Variants in FRAS1 observed in about 807,000 individuals in gnomAD.
FRAS1 encodes Fraser extracellular matrix complex subunit 1.
In FRAS1, 290 loss-of-function variants were observed where a neutral mutation model predicts 435.2. The observed-to-expected ratio is 0.67, with a 90% CI of 0.61 to 0.73. The LOEUF is 0.73. FRAS1 is among the 30% of genes least tolerant of loss of function. The probability of loss-of-function intolerance (pLI) is 0.00; values close to 1 mark genes in which losing one functional copy is unlikely to be tolerated. For missense variants in FRAS1, 4,860 were observed against 5,001.5 expected, an observed-to-expected ratio of 0.97 and a Z score of 0.85; for synonymous variants, 1,800 against 1,851.0, an observed-to-expected ratio of 0.97 and a Z score of 0.71.
chr4:78,227,356 A>G (rs1331004981), intron 2 of FRAS1, among the ~76,000 whole-genome samples: 1 of 152,226 alleles, frequency 6.6e-6, no homozygotes, highest in Non-Finnish European at 1.5e-5. Context: ...TATTCATTAA[A>G]TGCTAGAATC....
chr4:78,268,169 G>A (rs1472562700), intron 9 of FRAS1, among the ~76,000 whole-genome samples: 17 of 152,228 alleles, frequency 1.1e-4, no homozygotes, highest in Middle Eastern at 3.4e-3. Flanking sequence ...CCTGTGGGCC[G>A]TGAACTTGAG....
At chr4:78,115,987 A>G (rs938306776) in intron 2 of FRAS1, among the ~76,000 whole-genome samples, 1 of 152,144 alleles carries the variant, frequency 6.6e-6, no homozygotes, top group African/African-American at 2.4e-5. Flanking sequence ...ATTTCCGTCT[A>G]CACACTGCTT....
chr4:78,066,614 C>G (rs575823771), intron 2 of FRAS1, among the ~76,000 whole-genome samples: 8 of 152,196 alleles, frequency 5.3e-5, no homozygotes, highest in Admixed American at 5.2e-4. Flanking sequence ...TGGTGCATAA[C>G]AGTGTGTTAA....
intron 20 of FRAS1, among the ~76,000 whole-genome samples, chr4:78,357,055 G>A (rs1319739037): frequency 1.3e-5 from 2 of 151,956 alleles, no homozygotes; most frequent in Non-Finnish European, 2.9e-5. Context: ...GTTCCTTGAA[G>A]GCATCCTGTT....
intron 64 of FRAS1, among the ~76,000 whole-genome samples, chr4:78,511,839 T>C (rs1474857912): frequency 6.6e-6 from 1 of 152,210 alleles, no homozygotes; most frequent in Non-Finnish European, 1.5e-5. Context: ...GCCGGAACCC[T>C]ACTGTCCTAC....
At chr4:78,281,462 G>C (rs1246659947) in intron 11 of FRAS1, 29 bp downstream of exon 11, 3 of 1,460,988 alleles carry the variant, frequency 2.1e-6, no homozygotes, top group Non-Finnish European at 2.8e-6. Context: ...CTTGCACGTA[G>C]ATCATTATAA....
chr4:78,496,244 C>T (rs1720504129), intron 59 of FRAS1, among the ~76,000 whole-genome samples: 2 of 152,172 alleles, frequency 1.3e-5, no homozygotes, highest in Non-Finnish European at 1.5e-5. Flanking sequence ...TGGTCTCGGA[C>T]TTTCTGTACT....
intron 6 of FRAS1, among the ~76,000 whole-genome samples, chr4:78,261,669 T>G (rs1440106892): frequency 6.6e-6 from 1 of 151,660 alleles, no homozygotes; most frequent in Non-Finnish European, 1.5e-5. Flanking sequence ...AGAAAAAATC[T>G]GAACAAATAC....
intron 19 of FRAS1, among the ~76,000 whole-genome samples, chr4:78,334,045 T>C (rs1369032806): frequency 6.6e-6 from 1 of 152,222 alleles, no homozygotes; most frequent in Non-Finnish European, 1.5e-5. Context: ...CACCTTGGCC[T>C]CCCAAAGTGC....
intron 44 of FRAS1, among the ~76,000 whole-genome samples, chr4:78,449,315 A>G (rs996939666): frequency 3.9e-5 from 6 of 152,176 alleles, no homozygotes; most frequent in Admixed American, 6.5e-5. Context: ...GGAATTCTCC[A>G]TGTTACAGCA....
At chr4:78,347,309 G>A (rs1054140482) in intron 20 of FRAS1, among the ~76,000 whole-genome samples, 5 of 152,112 alleles carry the variant, frequency 3.3e-5, no homozygotes, top group African/African-American at 1.2e-4. Flanking sequence ...TTTCTTAGAT[G>A]ACAGCCTCGT....
In FRAS1 at chr4:78,345,760, T is replaced by G. The variant is rs76120917; in HGVS notation, c.2422+7943T>G. Among the ~76,000 whole-genome samples the G allele has an allele frequency of 3.3e-5, 5 of 152,222 alleles. No homozygotes were observed. In the East Asian group the frequency reaches 9.7e-4, roughly 29 times the overall value. Reference sequence around the variant, plus strand: ...GTTTTATTTAAGAGATCAATCTCTCTGCAAAGGGGTGATTGAATATTTCAA... The same window carrying G: ...GTTTTATTTAAGAGATCAATCTCTCGGCAAAGGGGTGATTGAATATTTCAA... On this transcript the variant is annotated intron_variant, in intron 20 of 73. Coordinates refer to ENST00000512123, the MANE Select transcript of FRAS1 (RefSeq NM_025074.7).
chr4:78,224,063 G>A (rs1724167268), intron 2 of FRAS1, among the ~76,000 whole-genome samples: 1 of 152,138 alleles, frequency 6.6e-6, no homozygotes, highest in African/African-American at 2.4e-5. Context: ...TGAGAGTCAG[G>A]CTGCTGAGAC....
chr4:78,464,413 T>C (rs1418065727), intron 48 of FRAS1, 30 bp from the exon 49 acceptor site: 3 of 1,613,696 alleles, frequency 1.9e-6, no homozygotes, highest in African/African-American at 1.3e-5. Context: ...TAGGGACAGG[T>C]GTCCCACCTG....
At chr4:78,464,333 T>A (rs1331921804) in intron 48 of FRAS1, 110 bp from the exon 49 acceptor site, 21 of 1,487,922 alleles carry the variant, frequency 1.4e-5, no homozygotes, top group Middle Eastern at 3.9e-4. Flanking sequence ...CTCCTAATTA[T>A]TGACTTGTGC....
In FRAS1 at chr4:78,318,844, C is replaced by T. The variant is rs772108894; in HGVS notation, c.1995C>T (p.Pro665=). The T allele has an allele frequency of 2.0e-4, 328 of 1,612,386 alleles. No individual in the cohort carries two copies. Among genetic ancestry groups the T allele is most frequent in the African/African-American group, 2.4e-4 (18 of 74,860 alleles). ...CCTCCTGCCTGGCTTGTATGGGTCCCGCACCCTCTCACTGTACTGGGTGTA... is the reference window on the plus strand; with the variant it reads ...CCTCCTGCCTGGCTTGTATGGGTCCTGCACCCTCTCACTGTACTGGGTGTA... ...CHSSCLACMG[P]APSHCTGCKK... The change falls in exon 18 of 74, where the codon CCC becomes CCT. Residue 665 remains proline, a synonymous_variant. Transcript: ENST00000512123.
chr4:78,424,009 G>A (rs1007658747), intron 34 of FRAS1, among the ~76,000 whole-genome samples: 10 of 152,120 alleles, frequency 6.6e-5, no homozygotes, highest in East Asian at 3.9e-4. Flanking sequence ...TCAATGTCTC[G>A]GCATCACTCA....
chr4:78,522,850 G>A (rs1035387111), intron 69 of FRAS1, 42 bp downstream of exon 69: 8 of 1,504,804 alleles, frequency 5.3e-6, no homozygotes, highest in Non-Finnish European at 7.1e-6. Context: ...GAGCTGAATG[G>A]TTTTCCATTT....
chr4:78,264,041 G>T (rs1560612424), intron 6 of FRAS1, among the ~76,000 whole-genome samples: 1 of 152,188 alleles, frequency 6.6e-6, no homozygotes, highest in Non-Finnish European at 1.5e-5. Context: ...CCTCATAAGA[G>T]AAAGTGAAGA....
Sources: gnomAD v4.1 joint callset for allele counts (sites outside exome capture counted in the v4.1 genomes callset) on GRCh38, gnomAD v4.1.1 for gene constraint, MANE v1.5 for transcripts, NCBI Gene and HGNC (gene_info 2026-07-23, HGNC 2026-07-21) for gene names.